The following POLR3G variants were observed in gnomAD, a reference collection of about 807,000 sequenced individuals.
POLR3G encodes RNA polymerase III subunit G, also known as DNA-directed RNA polymerase III subunit RPC7.
POLR3G carries 28 observed loss-of-function variants against 30.1 expected under a neutral mutation model. The ratio of observed to expected loss-of-function variants is 0.93; its 90% CI spans 0.69 to 1.27. The LOEUF (loss-of-function observed/expected upper bound fraction) is 1.27, where lower values mean the gene tolerates loss of function less well. POLR3G is among the 50% of genes most tolerant of loss of function. The probability of loss-of-function intolerance (pLI) is 0.00; values close to 1 mark genes in which losing one functional copy is unlikely to be tolerated. For missense variants in POLR3G, 254 were observed against 264.6 expected (o/e 0.96, Z 0.28); for synonymous variants, 79 against 82.5 (o/e 0.96, Z 0.23).
At chr5:90,504,179 A>AT (rs11340729) in intron 6 of POLR3G, among the ~76,000 whole-genome samples, 102 of 149,780 alleles carry the variant, frequency 6.8e-4, no homozygotes, top group African/African-American at 1.7e-3. Context: ...AAAGATGAGG[A>AT]TTTTTTTTTT....
At position 90,485,702 on chromosome 5, in the gene POLR3G, T is replaced by G; in HGVS notation, c.117+18T>G. The stretch of plus-strand genomic sequence containing the variant: ...TATTTCCTGTAAGTATATGAACAGT[T>G]GAATTCTCATAGTGTGTTTTTTCAT... On this transcript the variant is annotated intron_variant, in intron 2 of 7. Coordinates refer to ENST00000651687, the MANE Select transcript of POLR3G (RefSeq NM_006467.3). The G allele has an allele frequency of 6.5e-7, 1 of 1,539,282 alleles. No homozygotes were observed. The highest frequency in any genetic ancestry group is 9.0e-7 in the Non-Finnish European group (1 of 1,115,900).
rs1752788775 is a variant in POLR3G at position 90,512,527 on chromosome 5, TTGATA to T, written c.*390_*394del. On this transcript the variant is annotated 3_prime_UTR_variant, in exon 8 of 8. Coordinates refer to ENST00000651687, the MANE Select transcript of POLR3G (RefSeq NM_006467.3). Reference sequence around the variant, plus strand: ...ATAATGGATTTCTATAACCTGAAAGTTGATATAATACAGCACGTGGAGCACTTTAA... The same window carrying T: ...ATAATGGATTTCTATAACCTGAAAGTTAATACAGCACGTGGAGCACTTTAA... 1.2e-5 allele frequency: 2 copies of T among 165,532 alleles called. No individual in the cohort carries two copies. Among genetic ancestry groups the T allele is most frequent in the South Asian group, 3.3e-4 (2 of 6,100 alleles). The allele number at this position is 165,532 out of a possible 1,614,324, so 10.3% of individuals were successfully genotyped here.
chr5:90,509,277 C>T (rs1196330498), intron 7 of POLR3G, among the ~76,000 whole-genome samples: 1 of 152,124 alleles, frequency 6.6e-6, no homozygotes, highest in East Asian at 1.9e-4. Context: ...TTCCCTCGGG[C>T]TTCTTTTTCT....
chr5:90,480,315 A>G (rs781482654), intron 1 of POLR3G, among the ~76,000 whole-genome samples: 1 of 152,200 alleles, frequency 6.6e-6, no homozygotes, highest in Non-Finnish European at 1.5e-5. Flanking sequence ...TGAGCTCTGC[A>G]GGAGAAGAAA....
rs1463876584 is a variant in POLR3G, at chr5:90,474,941, G to C, written c.-123G>C. 3 of 152,562 alleles carry C rather than the reference G, an allele frequency of 2.0e-5. No individual in the cohort carries two copies. Among genetic ancestry groups the C allele is most frequent in the African/African-American group, 7.2e-5 (3 of 41,472 alleles). 9.5% of individuals were successfully genotyped at this position (152,562 alleles called of 1,614,324 possible). A position where few individuals can be genotyped will look rare whatever the true frequency, so the allele number is the denominator to read the frequency against. The stretch of plus-strand genomic sequence containing the variant: ...GAACGGGCGGCAGTCAAGCGCCGGC[G>C]TTCTCTGCCGTCACCCTTTCCTTGC... On this transcript the variant is annotated 5_prime_UTR_variant, in exon 1 of 8. Transcript: ENST00000651687.
intron 5 of POLR3G, among the ~76,000 whole-genome samples, chr5:90,499,947 A>G (rs1752170478): frequency 6.6e-6 from 1 of 152,172 alleles, no homozygotes; most frequent in Non-Finnish European, 1.5e-5. Context: ...TGCATGAATG[A>G]TACTGGTCAT....
rs551189867 is a variant in POLR3G, at chr5:90,513,065, A to G, written c.*926A>G. On this transcript the variant is annotated 3_prime_UTR_variant, in exon 8 of 8. Coordinates refer to ENST00000651687, the MANE Select transcript of POLR3G (RefSeq NM_006467.3). Reference sequence around the variant, plus strand: ...ATGAACTCAGGTCATTTTGAAATTAATATTAATATTTTTGTTGTTTAACTT... The same window carrying G: ...ATGAACTCAGGTCATTTTGAAATTAGTATTAATATTTTTGTTGTTTAACTT... 64 of 147,056 alleles carry G rather than the reference A, an allele frequency of 4.4e-4. No homozygotes were observed. Among genetic ancestry groups the G allele is most frequent in the African/African-American group, 1.5e-3 (62 of 41,202 alleles). The allele number at this position is 147,056 out of a possible 1,614,324, so 9.1% of individuals were successfully genotyped here. A position where few individuals can be genotyped will look rare whatever the true frequency, so the allele number is the denominator to read the frequency against.
At position 90,506,565 on chromosome 5, in the gene POLR3G, A is replaced by T; in HGVS notation, c.476A>T (p.Glu159Val). ...EKRGDGEKSD[E>V]ENEEKEGSKE... ...AGAGGTGATGGTGAAAAATCAGATG[A>T]GGAAAATGAAGAGAAAGAAGGAAGC... The change falls in exon 7 of 8, where the codon GAG (glutamate) becomes GTG (valine). Residue 159 changes from glutamate (E) to valine (V), a missense_variant. Transcript: ENST00000651687. The T allele has an allele frequency of 1.2e-6, 2 of 1,613,504 alleles. No homozygotes were observed.
At chr5:90,495,755 T>G in intron 4 of POLR3G, 22 bp downstream of exon 4, 1 of 1,568,954 alleles carries the variant, frequency 6.4e-7, no homozygotes, top group Non-Finnish European at 8.6e-7. Context: ...ACACACAATA[T>G]GAAAACAGTT....
At chr5:90,491,618 C>G (rs1168510506) in intron 3 of POLR3G, among the ~76,000 whole-genome samples, 5 of 150,606 alleles carry the variant, frequency 3.3e-5, no homozygotes, top group Non-Finnish European at 7.4e-5. Flanking sequence ...AAAGAAGAAA[C>G]AGACATTTTC....
intron 6 of POLR3G, chr5:90,502,205 C>A: frequency 2.0e-6 from 2 of 985,228 alleles, no homozygotes; most frequent in Non-Finnish European, 2.4e-6. Context: ...CACCTGGCCA[C>A]TTACCTCACC....
chr5:90,509,776 G>T (rs956041258), intron 7 of POLR3G, among the ~76,000 whole-genome samples: 1 of 152,128 alleles, frequency 6.6e-6, no homozygotes, highest in Admixed American at 6.5e-5. Context: ...TGTTAAGTGG[G>T]CTTGTGTTGA....
chr5:90,504,171 A>G (rs1358116449), intron 6 of POLR3G, among the ~76,000 whole-genome samples: 1 of 142,304 alleles, frequency 7.0e-6, no homozygotes, highest in Non-Finnish European at 1.5e-5. Flanking sequence ...GTGGAAATAA[A>G]GATGAGGATT....
In POLR3G at chr5:90,485,026, C is replaced by G. The variant is rs1221534376; in HGVS notation, c.-43-499C>G. 3.9e-5 allele frequency among the ~76,000 whole-genome samples: 6 copies of G among 151,952 alleles called. No individual in the cohort carries two copies. In the East Asian group the frequency reaches 5.8e-4, roughly 15 times the overall value. On this transcript the variant is annotated intron_variant, in intron 1 of 7. Transcript: ENST00000651687. ...TTCTCTGAATTTTTTTTTTCTTGGA[C>G]AGGCATCTTTCGAGTCTCATTGATC...
At chr5:90,500,925 A>G (rs769485792) in intron 5 of POLR3G, among the ~76,000 whole-genome samples, 2 of 152,168 alleles carry the variant, frequency 1.3e-5, no homozygotes, top group East Asian at 1.9e-4. Context: ...TTTGTAGCCT[A>G]TCATATTGCT....
At chr5:90,501,846 G>C (rs1199389304) in intron 5 of POLR3G, 60 bp from the exon 6 acceptor site, 2 of 1,589,784 alleles carry the variant, frequency 1.3e-6, no homozygotes, top group African/African-American at 2.7e-5. Context: ...GCAAAGACAA[G>C]GAAATATAAT....
chr5:90,498,926 G>T (rs2151910863), intron 5 of POLR3G, among the ~76,000 whole-genome samples: 1 of 152,292 alleles, frequency 6.6e-6, no homozygotes, highest in East Asian at 1.9e-4. Flanking sequence ...ATTGGGAAGG[G>T]TTCTTTGAGG....
rs539209188 is a variant in POLR3G at position 90,497,096 on chromosome 5, G to C, written c.305-560G>C. 1.0e-3 allele frequency among the ~76,000 whole-genome samples: 154 copies of C among 152,144 alleles called. 2 individuals carry two copies. The South Asian group carries it at 0.012, about 12-fold the overall frequency. ...CTCTATGCTTAAAAATTAAAAGAAA[G>C]TGACACATTAGAGGAATTATTTAGC... On this transcript the variant is annotated intron_variant, in intron 4 of 7. Transcript: ENST00000651687.
chr5:90,478,937 A>G (rs1395934289), intron 1 of POLR3G, among the ~76,000 whole-genome samples: 1 of 151,884 alleles, frequency 6.6e-6, no homozygotes, highest in Non-Finnish European at 1.5e-5. Context: ...TCTGGGGTGA[A>G]TCCTGGGTTT....
Sources: allele counts gnomAD v4.1 joint callset (sites outside exome capture counted in the v4.1 genomes callset), GRCh38; gene constraint gnomAD v4.1.1; transcripts MANE v1.5; gene names NCBI Gene and HGNC (gene_info 2026-07-23, HGNC 2026-07-21).